TADA2A: variants seen among roughly 807,000 people sequenced by gnomAD.
TADA2A encodes the protein transcriptional adapter 2-alpha.
In TADA2A, 38 loss-of-function variants were observed where a neutral mutation model predicts 67.4. The ratio of observed to expected loss-of-function variants is 0.56; its 90% CI spans 0.44 to 0.74. The LOEUF is 0.74. Ranked by LOEUF, TADA2A falls within the 30% of genes least tolerant of loss-of-function variation. The pLI is 0.00. For missense variants in TADA2A, 454 were observed against 547.0 expected (o/e 0.83, Z 1.70); for synonymous variants, 192 against 181.6 (o/e 1.06, Z -0.46).
chr17:37,449,613 A>G (rs1480697086), intron 8 of TADA2A, among the ~76,000 whole-genome samples: 2 of 133,540 alleles, frequency 1.5e-5, no homozygotes, highest in African/African-American at 5.8e-5. Context: ...TGTCTTTACA[A>G]TCTTGATTTT....
intron 1 of TADA2A, among the ~76,000 whole-genome samples, chr17:37,409,077 G>A (rs2051772329): frequency 6.6e-6 from 1 of 152,060 alleles, no homozygotes; most frequent in African/African-American, 2.4e-5. Context: ...TATAGTCTCT[G>A]CTTTCACTTA....
chr17:37,476,933 G>A lies in TADA2A; in HGVS notation c.1283G>A (p.Arg428Gln), dbSNP rs774041584. 4 of 1,613,836 alleles carry A rather than the reference G, an allele frequency of 2.5e-6. No homozygotes were observed. Among genetic ancestry groups the A allele is most frequent in the East Asian group, 2.2e-5 (1 of 44,882 alleles). The change falls in exon 16 of 16, where the codon CGG (arginine) becomes CAG (glutamine). Residue 428 changes from arginine to glutamine, a missense_variant. By Grantham distance (43) the Arg-to-Gln change is conservative. Coordinates refer to ENST00000615182, the MANE Select transcript of TADA2A (RefSeq NM_001166105.3). ...ATCAAGATAGATGTGAACAAAACCCGGAAAATCTATGATTTCCTCATCAGA... is the reference window on the plus strand; with the variant it reads ...ATCAAGATAGATGTGAACAAAACCCAGAAAATCTATGATTTCCTCATCAGA... Reference protein sequence around the residue: ...ALIKIDVNKTRKIYDFLIREG... With the variant: ...ALIKIDVNKTQKIYDFLIREG...
chr17:37,442,942 C>T (rs1231805880), intron 7 of TADA2A, among the ~76,000 whole-genome samples: 3 of 152,084 alleles, frequency 2.0e-5, no homozygotes, highest in Non-Finnish European at 4.4e-5. Context: ...AATGGAGGAT[C>T]GCTTGAGTCC....
chr17:37,440,637 T>C lies in TADA2A; in HGVS notation c.417T>C (p.Thr139=). 6.2e-7 allele frequency: 1 copy of C among 1,614,228 alleles called. No individual in the cohort carries two copies. Among genetic ancestry groups the C allele is most frequent in the Non-Finnish European group, 8.5e-7 (1 of 1,180,034 alleles). ...LNLKQAEEAK[T]ADTAIPFHST... ...TGAAACAAGCAGAGGAAGCAAAAACTGCTGACACAGCCATTCCATTTCACT... is the reference window on the plus strand; with the variant it reads ...TGAAACAAGCAGAGGAAGCAAAAACCGCTGACACAGCCATTCCATTTCACT... The change falls in exon 6 of 16, where the codon ACT becomes ACC. Residue 139 remains threonine (T), a synonymous_variant. Coordinates refer to ENST00000615182, the MANE Select transcript of TADA2A (RefSeq NM_001166105.3).
chr17:37,438,826 C>A (rs955531075), intron 5 of TADA2A, among the ~76,000 whole-genome samples: 1 of 152,176 alleles, frequency 6.6e-6, no homozygotes, highest in African/African-American at 2.4e-5. Flanking sequence ...ACCTCTCTGT[C>A]CTCCTTCCCT....
At chr17:37,449,651 G>A (rs1416852033) in intron 8 of TADA2A, among the ~76,000 whole-genome samples, 3 of 143,170 alleles carry the variant, frequency 2.1e-5, no homozygotes, top group Admixed American at 7.2e-5. Context: ...ACAGGGTCAC[G>A]CCCTGTTGCC....
At chr17:37,420,333 A>C (rs1382655930) in intron 2 of TADA2A, among the ~76,000 whole-genome samples, 3 of 145,522 alleles carry the variant, frequency 2.1e-5, no homozygotes, top group Non-Finnish European at 4.6e-5. Flanking sequence ...GCAGTTTCAT[A>C]TATTGAATTT....
chr17:37,433,318 C>A (rs1483629278), intron 4 of TADA2A, among the ~76,000 whole-genome samples: 2 of 151,990 alleles, frequency 1.3e-5, no homozygotes, highest in Non-Finnish European at 2.9e-5. Context: ...CATCCTGCTT[C>A]CCCAAATGTT....
intron 8 of TADA2A, among the ~76,000 whole-genome samples, chr17:37,447,226 A>G (rs1430726811): frequency 6.6e-6 from 1 of 152,172 alleles, no homozygotes; most frequent in Non-Finnish European, 1.5e-5. Flanking sequence ...CAGTAGCGTG[A>G]TCTTGGCTCA....
chr17:37,460,091 T>C (rs548830031), intron 9 of TADA2A, among the ~76,000 whole-genome samples: 49 of 151,486 alleles, frequency 3.2e-4, no homozygotes, highest in African/African-American at 5.6e-4. Context: ...CCTTTTTTTT[T>C]TTTTTTGAGA....
intron 3 of TADA2A, among the ~76,000 whole-genome samples, chr17:37,424,770 G>C (rs1161730158): frequency 6.6e-6 from 1 of 152,184 alleles, no homozygotes; most frequent in Non-Finnish European, 1.5e-5. Flanking sequence ...TGGTCAGGCT[G>C]GTCTTGAACT....
At chr17:37,469,531 G>C (rs2053740760) in intron 12 of TADA2A, among the ~76,000 whole-genome samples, 1 of 152,068 alleles carries the variant, frequency 6.6e-6, no homozygotes, top group South Asian at 2.1e-4. Context: ...TACTCCGGAG[G>C]CTGAGGCAGG....
chr17:37,447,957 G>A (rs2147989055), intron 8 of TADA2A, among the ~76,000 whole-genome samples: 1 of 152,296 alleles, frequency 6.6e-6, no homozygotes, highest in East Asian at 1.9e-4. Flanking sequence ...TAAGTGCTTG[G>A]AATCTTGCTT....
chr17:37,446,597 C>CT (rs1444650550), intron 8 of TADA2A, among the ~76,000 whole-genome samples: 1 of 109,082 alleles, frequency 9.2e-6, no homozygotes, highest in African/African-American at 4.1e-5. Flanking sequence ...GACCCTGTCT[C>CT]TAAAAAAAAA....
chr17:37,449,004 T>C (rs945287189), intron 8 of TADA2A, among the ~76,000 whole-genome samples: 5 of 147,466 alleles, frequency 3.4e-5, no homozygotes, highest in South Asian at 2.2e-4. Context: ...CTTTCACTTA[T>C]AGTGATTTCA....
At position 37,458,605 on chromosome 17, in the gene TADA2A, T is replaced by A; in HGVS notation, c.668+18T>A. On this transcript the variant is annotated intron_variant, in intron 9 of 15. Transcript: ENST00000615182. ...CGAAAAAAGTAAGTATAAAAAACCATCCTGGCCTCCTTTCAGCTTTGGATT... is the reference window on the plus strand; with the variant it reads ...CGAAAAAAGTAAGTATAAAAAACCAACCTGGCCTCCTTTCAGCTTTGGATT... 2 of 1,604,076 alleles carry A rather than the reference T, an allele frequency of 1.2e-6. No individual in the cohort carries two copies. The highest frequency in any genetic ancestry group is 8.5e-7 in the Non-Finnish European group (1 of 1,172,156).
At chr17:37,461,452 A>G (rs1367691656) in intron 9 of TADA2A, among the ~76,000 whole-genome samples, 6 of 152,232 alleles carry the variant, frequency 3.9e-5, no homozygotes, top group Admixed American at 3.9e-4. Flanking sequence ...AGTTATGAAT[A>G]CCTCTGGTAT....
At chr17:37,418,371 G>A (rs1394683409) in intron 2 of TADA2A, among the ~76,000 whole-genome samples, 1 of 152,144 alleles carries the variant, frequency 6.6e-6, no homozygotes, top group African/African-American at 2.4e-5. Flanking sequence ...CAGAATGCCA[G>A]TGGGGCACTG....
intron 2 of TADA2A, among the ~76,000 whole-genome samples, chr17:37,418,544 G>A (rs1211400110): frequency 2.6e-5 from 4 of 151,842 alleles, no homozygotes; most frequent in East Asian, 1.9e-4. Context: ...AAACATGTCC[G>A]CAATTTGTTG....
Sources: allele counts gnomAD v4.1 joint callset (sites outside exome capture counted in the v4.1 genomes callset), GRCh38; gene constraint gnomAD v4.1.1; transcripts MANE v1.5; gene names NCBI Gene and HGNC (gene_info 2026-07-23, HGNC 2026-07-21).